The following PIN4 variants were observed in gnomAD, a reference collection of about 807,000 sequenced individuals.
PIN4 encodes peptidyl-prolyl cis-trans isomerase NIMA-interacting 4.
In PIN4, 3 loss-of-function variants were observed where a neutral mutation model predicts 8.3. The observed-to-expected ratio is 0.36, with a 90% CI of 0.16 to 0.93. The LOEUF is 0.93. Among genes scored for constraint, PIN4 ranks in the 40% least tolerant of loss-of-function variants. PIN4 has a pLI of 0.44. For synonymous variants in PIN4, 18 were observed against 32.5 expected, an observed-to-expected ratio of 0.55 and a Z score of 1.52; for missense variants, 75 against 100.6, an observed-to-expected ratio of 0.75 and a Z score of 1.09.
chrX:72,263,733 G>A, exon 4 of PIN4: 1 of 111,262 alleles, frequency 9.0e-6, no homozygotes, highest in Non-Finnish European at 1.9e-5. Flanking sequence ...CCACGGCAGA[G>A]GTAGCAGAAG....
At chrX:72,187,925 T>G (rs1435394739) in intron 2 of PIN4, among the ~76,000 whole-genome samples, 6 of 112,718 alleles carry the variant, frequency 5.3e-5, no homozygotes. Flanking sequence ...TCATATAAAT[T>G]CAGCCATACA....
rs780014433 is a variant in PIN4, at chrX:72,189,057, T to C, written c.117+2523T>C. Among the ~76,000 whole-genome samples, 259 of 111,229 alleles carry C rather than the reference T, an allele frequency of 2.3e-3. 1 individual carries two copies. Among genetic ancestry groups the C allele is most frequent in the African/African-American group, 7.9e-3 (241 of 30,409 alleles). On this transcript the variant is annotated intron_variant, in intron 2 of 3. Coordinates refer to ENST00000373669, the MANE Select transcript of PIN4 (RefSeq NM_006223.4). The stretch of plus-strand genomic sequence containing the variant: ...GTGTGTGCCTGTAGTCCCAGCTACT[T>C]GGGAGGCTGAGGTAGGAGGATTGTT...
intron 3 of PIN4, among the ~76,000 whole-genome samples, chrX:72,258,506 C>G (rs770197761): frequency 1.8e-5 from 2 of 111,587 alleles, no homozygotes; most frequent in African/African-American, 6.5e-5. Flanking sequence ...TGAATCGCCC[C>G]AGCCCTTACT....
At chrX:72,261,124 GTCTC>G (rs1163508832) in intron 3 of PIN4, among the ~76,000 whole-genome samples, 1 of 110,406 alleles carries the variant, frequency 9.1e-6, no homozygotes, top group Non-Finnish European at 1.9e-5. Flanking sequence ...GTGAAACCCT[GTCTC>G]TACTAAAAAT....
At chrX:72,262,976 C>A in exon 4 of PIN4, 1 of 372,358 alleles carries the variant, frequency 2.7e-6, no homozygotes, top group Admixed American at 4.5e-5. Context: ...GCAAGGAAAC[C>A]AGACAGATGT....
exon 4 of PIN4, chrX:72,263,571 G>A (rs890602294): frequency 5.4e-5 from 6 of 112,100 alleles, no homozygotes; most frequent in Admixed American, 2.8e-4. Context: ...GGGAGGCCTT[G>A]CAAGGACAGC....
chrX:72,251,375 A>AAAAAAAAAAAAAAAAAAAAAAAG (rs2043087190), intron 3 of PIN4, among the ~76,000 whole-genome samples: 1 of 101,770 alleles, frequency 9.8e-6, no homozygotes, highest in Non-Finnish European at 2.0e-5. Flanking sequence ...AAAAAAAAAA[A>AAAAAAAAAAAAAAAAAAAAAAAG]TATGTGTGAG....
chrX:72,232,939 TA>T lies in PIN4; in HGVS notation c.313-29757del, dbSNP rs1231718848. ...GCAACATAGGGAGACCCCATCTCTT[TA>T]AAAAAAAAAACTGATTTGAGCAATA... On this transcript the variant is annotated intron_variant, in intron 3 of 3. Coordinates refer to the PIN4 transcript ENST00000423432. 3.7e-3 allele frequency among the ~76,000 whole-genome samples: 388 copies of T among 104,436 alleles called. 2 individuals carry two copies. Among genetic ancestry groups the T allele is most frequent in the African/African-American group, 0.013 (366 of 28,906 alleles). 90.7% of individuals were successfully genotyped at this position (104,436 alleles called of 115,157 possible).
At chrX:72,183,013 G>A (rs1352272001) in intron 1 of PIN4, among the ~76,000 whole-genome samples, 1 of 112,001 alleles carries the variant, frequency 8.9e-6, no homozygotes, top group Non-Finnish European at 1.9e-5. Flanking sequence ...ACCTAAGGGA[G>A]TGGCTGTGGG....
intron 3 of PIN4, among the ~76,000 whole-genome samples, chrX:72,231,993 C>T (rs1224457232): frequency 4.6e-5 from 5 of 109,481 alleles, no homozygotes; most frequent in Admixed American, 2.0e-4. Flanking sequence ...GCAGAAAGAT[C>T]GTTTGAGTCC....
At chrX:72,209,055 G>T (rs1375678785) in intron 3 of PIN4, among the ~76,000 whole-genome samples, 2 of 110,708 alleles carry the variant, frequency 1.8e-5, no homozygotes, top group African/African-American at 6.6e-5. Flanking sequence ...AACCTCTCTG[G>T]CCTTATTTTA....
chrX:72,185,147 C>CAAAAAAAAAAAAAAAA (rs746215043), intron 1 of PIN4, among the ~76,000 whole-genome samples: 4 of 24,453 alleles, frequency 1.6e-4, no homozygotes, highest in Admixed American at 7.9e-4. Flanking sequence ...GACTCCGTCT[C>CAAAAAAAAAAAAAAAA]AAAAAAAAAA....
chrX:72,185,147 C>CAAAAAAAA (rs746215043), intron 1 of PIN4, among the ~76,000 whole-genome samples: 699 of 24,385 alleles, frequency 0.029, 125 homozygotes, highest in African/African-American at 0.054. Context: ...GACTCCGTCT[C>CAAAAAAAA]AAAAAAAAAA....
At chrX:72,209,923 A>G (rs1202731224) in intron 3 of PIN4, among the ~76,000 whole-genome samples, 1 of 111,267 alleles carries the variant, frequency 9.0e-6, no homozygotes, top group Non-Finnish European at 1.9e-5. Flanking sequence ...ACCATACACA[A>G]AAATTAACTC....
chrX:72,189,980 G>T (rs754425027), intron 2 of PIN4, among the ~76,000 whole-genome samples: 1 of 110,299 alleles, frequency 9.1e-6, no homozygotes, highest in Non-Finnish European at 1.9e-5. Flanking sequence ...CCCTTTTGTC[G>T]CTATAAGCTC....
chrX:72,182,148 T>G (rs1235554188), intron 1 of PIN4, among the ~76,000 whole-genome samples: 10 of 112,856 alleles, frequency 8.9e-5, no homozygotes, highest in Non-Finnish European at 1.7e-4. Context: ...TAAAGTTCAC[T>G]TTAATGCTTA....
At chrX:72,205,215 C>T (rs376875621) in intron 3 of PIN4, 3 of 1,210,021 alleles carry the variant, frequency 2.5e-6, no homozygotes, top group Non-Finnish European at 3.4e-6. Context: ...AACCAACCAA[C>T]TGTTCACCAG....
At chrX:72,184,523 AGG>A (rs1386748542) in intron 1 of PIN4, among the ~76,000 whole-genome samples, 1 of 110,844 alleles carries the variant, frequency 9.0e-6, no homozygotes, top group Non-Finnish European at 1.9e-5. Flanking sequence ...GGCAGGAGTG[AGG>A]GTGGAGAGGA....
intron 3 of PIN4, among the ~76,000 whole-genome samples, chrX:72,253,941 A>G (rs1326643321): frequency 9.0e-6 from 1 of 110,609 alleles, no homozygotes; most frequent in Non-Finnish European, 1.9e-5. Flanking sequence ...CAGCCTGAGC[A>G]ACAGAGTGAA....
Sources: allele counts gnomAD v4.1 joint callset (sites outside exome capture counted in the v4.1 genomes callset), GRCh38; gene constraint gnomAD v4.1.1; transcripts MANE v1.5; gene names NCBI Gene and HGNC (gene_info 2026-07-23, HGNC 2026-07-21).